CCDC158: variants seen among roughly 807,000 people sequenced by gnomAD.
CCDC158 encodes coiled-coil domain-containing protein 158.
In CCDC158, 116 loss-of-function variants were observed where a neutral mutation model predicts 138.6. The observed-to-expected ratio is 0.84, with a 90% CI of 0.72 to 0.98. The LOEUF (loss-of-function observed/expected upper bound fraction) is 0.98, where lower values mean the gene tolerates loss of function less well. Ranked by LOEUF, CCDC158 falls within the 50% of genes least tolerant of loss-of-function variation. The pLI is 0.00. For missense variants in CCDC158, 1,265 were observed against 1,306.1 expected, an observed-to-expected ratio of 0.97 and a Z score of 0.48; for synonymous variants, 436 against 442.4, an observed-to-expected ratio of 0.99 and a Z score of 0.18.
intron 4 of CCDC158, among the ~76,000 whole-genome samples, chr4:76,387,070 G>C (rs2109790088): frequency 6.6e-6 from 1 of 152,278 alleles, no homozygotes; most frequent in South Asian, 2.1e-4. Context: ...GGTGGCATGT[G>C]ACCTAAGGAG....
chr4:76,417,342 C>T (rs1183811324), intron 1 of CCDC158, among the ~76,000 whole-genome samples: 1 of 152,064 alleles, frequency 6.6e-6, no homozygotes, highest in African/African-American at 2.4e-5. Flanking sequence ...GGACTTGGCT[C>T]GTCTCAGATG....
At chr4:76,386,071 T>C (rs1560459139) in intron 4 of CCDC158, among the ~76,000 whole-genome samples, 1 of 152,184 alleles carries the variant, frequency 6.6e-6, no homozygotes, top group Non-Finnish European at 1.5e-5. Context: ...AAAATATATC[T>C]CTTTCTTAAG....
At chr4:76,341,140 TAATGTA>T (rs1722010424) in intron 18 of CCDC158, among the ~76,000 whole-genome samples, 1 of 152,212 alleles carries the variant, frequency 6.6e-6, no homozygotes, top group Admixed American at 6.5e-5. Context: ...ATTATATCTT[TAATGTA>T]CTTCTATCTT....
intron 4 of CCDC158, among the ~76,000 whole-genome samples, chr4:76,394,423 A>T (rs1727587761): frequency 6.6e-6 from 1 of 152,140 alleles, no homozygotes; most frequent in Non-Finnish European, 1.5e-5. Context: ...TGGGATCTAA[A>T]AATCAAAACA....
intron 2 of CCDC158, among the ~76,000 whole-genome samples, chr4:76,404,648 G>T (rs1728670933): frequency 6.6e-6 from 1 of 152,142 alleles, no homozygotes; most frequent in African/African-American, 2.4e-5. Context: ...CACAAGCGAT[G>T]ACAGGTTGTA....
In CCDC158 at chr4:76,350,987, G is replaced by A; in HGVS notation, c.2664+9C>T. ...ATTTGCGTAATGGATCATAAGACTG[G>A]TTACTTACATGAGACAGGAAGCTGG... On this transcript the variant is annotated intron_variant, in intron 18 of 24. Coordinates refer to ENST00000682701, the MANE Select transcript of CCDC158 (RefSeq NM_001394954.1). The A allele has an allele frequency of 6.2e-7, 1 of 1,611,962 alleles. No individual in the cohort carries two copies. Among genetic ancestry groups the A allele is most frequent in the African/African-American group, 1.3e-5 (1 of 74,926 alleles).
intron 9 of CCDC158, chr4:76,375,486 C>T (rs1296184690): frequency 1.5e-6 from 1 of 678,190 alleles, no homozygotes; most frequent in East Asian, 2.7e-5. Context: ...AATCTTCCTG[C>T]ACAGTATATA....
rs140185823 is a variant in CCDC158 at position 76,391,667 on chromosome 4, G to T, written c.288+4602C>A. Among the ~76,000 whole-genome samples, 602 of 150,890 alleles carry T rather than the reference G, an allele frequency of 4.0e-3. 3 individuals are homozygous for T. Among genetic ancestry groups the T allele is most frequent in the African/African-American group, 0.014 (573 of 41,170 alleles). ...TGAACCCAAAATTAGTACAAGAAAA[G>T]AAATAATAAAGATCAGAGCAGAAAT... is the stretch of plus-strand genomic sequence containing the variant. On this transcript the variant is annotated intron_variant, in intron 4 of 24. Coordinates refer to ENST00000682701, the MANE Select transcript of CCDC158 (RefSeq NM_001394954.1).
chr4:76,413,138 T>C (rs1729422110), intron 1 of CCDC158, among the ~76,000 whole-genome samples: 1 of 150,852 alleles, frequency 6.6e-6, no homozygotes, highest in Admixed American at 6.6e-5. Context: ...TATACCGAAA[T>C]GATAAACCAC....
At chr4:76,378,111 A>G (rs917743336) in intron 9 of CCDC158, among the ~76,000 whole-genome samples, 9 of 152,178 alleles carry the variant, frequency 5.9e-5, no homozygotes, top group Admixed American at 1.3e-4. Flanking sequence ...AGTCCTGTCT[A>G]AATTCCATCC....
intron 18 of CCDC158, among the ~76,000 whole-genome samples, chr4:76,334,667 A>G (rs1485934573): frequency 2.0e-5 from 3 of 152,200 alleles, no homozygotes; most frequent in Non-Finnish European, 4.4e-5. Flanking sequence ...TTTAAGAATA[A>G]TATGAGATTT....
chr4:76,383,727 T>G lies in CCDC158; in HGVS notation c.738A>C (p.Gln246His). The change falls in exon 7 of 25, where the codon CAA becomes CAC. Residue 246 changes from glutamine to histidine, a missense_variant. Transcript: ENST00000682701. ...LKGRIFPVED[Q>H]LEALKSESQN... ...GTGATTCAGATTTCAGTGCTTCAAGTTGATCCTCTACCTGGTTTTTAAAAA... is the reference window on the plus strand; with the variant it reads ...GTGATTCAGATTTCAGTGCTTCAAGGTGATCCTCTACCTGGTTTTTAAAAA... 1 of 1,612,672 alleles carries G rather than the reference T, an allele frequency of 6.2e-7. No homozygotes were observed. Among genetic ancestry groups the G allele is most frequent in the Non-Finnish European group, 8.5e-7 (1 of 1,178,682 alleles).
chr4:76,318,188 AT>A lies in CCDC158; in HGVS notation c.3278-4943del, dbSNP rs368193042. ...ACAGAATTAAATGAAATTGAAGTAA[AT>A]AAATAAAAAACAATACAAAAGACAA... On this transcript the variant is annotated intron_variant, in intron 24 of 24. Transcript: ENST00000682701. Among the ~76,000 whole-genome samples, 417 of 152,294 alleles carry A rather than the reference AT, an allele frequency of 2.7e-3. 2 individuals carry two copies. Among genetic ancestry groups the A allele is most frequent in the African/African-American group, 9.1e-3 (378 of 41,596 alleles).
intron 4 of CCDC158, among the ~76,000 whole-genome samples, chr4:76,387,523 C>T (rs979480204): frequency 1.3e-5 from 2 of 151,786 alleles, no homozygotes; most frequent in Admixed American, 6.6e-5. Context: ...CCTGTCTCTA[C>T]TAAAAATACA....
intron 10 of CCDC158, 22 bp downstream of exon 10, chr4:76,371,395 A>G (rs1335300566): frequency 1.1e-5 from 18 of 1,610,728 alleles, no homozygotes; most frequent in Non-Finnish European, 1.5e-5. Flanking sequence ...AGTCTTATTC[A>G]TATTTTAAAG....
At chr4:76,328,709 G>T (rs1475805937) in intron 22 of CCDC158, among the ~76,000 whole-genome samples, 191 bp downstream of exon 22, 1 of 152,200 alleles carries the variant, frequency 6.6e-6, no homozygotes, top group Non-Finnish European at 1.5e-5. Context: ...CCCTAACATG[G>T]AAGCTGCCTG....
chr4:76,411,074 G>A (rs1295848411), intron 2 of CCDC158, among the ~76,000 whole-genome samples: 1 of 152,134 alleles, frequency 6.6e-6, no homozygotes, highest in Non-Finnish European at 1.5e-5. Context: ...ACACATACAA[G>A]GTACCAGATA....
intron 14 of CCDC158, among the ~76,000 whole-genome samples, chr4:76,356,334 T>A (rs1723560040): frequency 6.6e-6 from 1 of 151,450 alleles, no homozygotes; most frequent in South Asian, 2.1e-4. Flanking sequence ...ATTAAGTGGA[T>A]CATGGTTGGC....
intron 2 of CCDC158, among the ~76,000 whole-genome samples, chr4:76,407,886 C>A (rs563222962): frequency 2.0e-5 from 3 of 152,038 alleles, no homozygotes; most frequent in African/African-American, 4.8e-5. Context: ...TCTACTTCGA[C>A]GTAAGATGAT....
Sources: allele counts gnomAD v4.1 joint callset (sites outside exome capture counted in the v4.1 genomes callset), GRCh38; gene constraint gnomAD v4.1.1; transcripts MANE v1.5; gene names NCBI Gene and HGNC (gene_info 2026-07-23, HGNC 2026-07-21).